CAMSAP1: variants seen among roughly 807,000 people sequenced by gnomAD.
CAMSAP1 encodes the protein calmodulin regulated spectrin associated protein 1.
Under a neutral mutation model 143.5 loss-of-function variants are expected in CAMSAP1, and 58 were observed. The ratio of observed to expected loss-of-function variants is 0.40; its 90% CI spans 0.33 to 0.50. The LOEUF (loss-of-function observed/expected upper bound fraction) is 0.50. Among genes scored for constraint, CAMSAP1 ranks in the 20% least tolerant of loss-of-function variants. CAMSAP1 has a pLI of 0.45. For missense variants in CAMSAP1, 1,969 were observed against 2,115.7 expected, an observed-to-expected ratio of 0.93 and a Z score of 1.36; for synonymous variants, 945 against 859.3, an observed-to-expected ratio of 1.10 and a Z score of -1.74.
intron 1 of CAMSAP1, among the ~76,000 whole-genome samples, chr9:135,886,969 G>T (rs1838143710): frequency 6.6e-6 from 1 of 152,244 alleles, no homozygotes; most frequent in Admixed American, 6.5e-5. Flanking sequence ...GGCAGTCGGG[G>T]ACAGGAGAGA....
In CAMSAP1 at chr9:135,811,278, G is replaced by A; in HGVS notation, c.*31C>T. On this transcript the variant is annotated 3_prime_UTR_variant, in exon 17 of 17. Coordinates refer to ENST00000389532, the MANE Select transcript of CAMSAP1 (RefSeq NM_015447.4). The surrounding 1 kb of genome is among the most constrained non-coding windows in gnomAD (Gnocchi z 4.9). ...CACAAGGGCATCATTTACGAGTCTG[G>A]GTCACCCTTTGGACGCCAGCTGCAC... The A allele has an allele frequency of 6.2e-7, 1 of 1,600,590 alleles. No individual in the cohort carries two copies. The highest frequency in any genetic ancestry group is 8.5e-7 in the Non-Finnish European group (1 of 1,172,082).
In CAMSAP1 at chr9:135,907,145, G is replaced by GCTCGCGTCCA; in HGVS notation, c.5_14dup (p.Ala8GlufsTer51). 9.0e-7 allele frequency: 1 copy of GCTCGCGTCCA among 1,110,156 alleles called. No homozygotes were observed. Among genetic ancestry groups the GCTCGCGTCCA allele is most frequent in the Non-Finnish European group, 1.1e-6 (1 of 908,084 alleles). 68.8% of individuals were successfully genotyped at this position (1,110,156 alleles called of 1,614,324 possible). On this transcript the variant is annotated frameshift_variant, in exon 1 of 17. Transcript: ENST00000389532. LOFTEE classifies it high-confidence loss of function. ...TCCAGCCCTCGGCGGCGGCGCGGCC[G>GCTCGCGTCCA]CTCGCGTCCACCATCTGCAGACAAA... is the stretch of plus-strand genomic sequence containing the variant.
In CAMSAP1 at chr9:135,826,266, G is replaced by T; in HGVS notation, c.1223+1141C>A. On this transcript the variant is annotated intron_variant, in intron 8 of 16. Transcript: ENST00000389532. The surrounding 1 kb of genome is among the most constrained non-coding windows in gnomAD (Gnocchi z 4.4). ...CGAAGGGAGGACGCCAAGTGTCCAC[G>T]CTGGCCCCATGTGAGGGACGGCTCA... 6.6e-6 allele frequency: 1 copy of T among 152,426 alleles called. No individual in the cohort carries two copies. Among genetic ancestry groups the T allele is most frequent in the Non-Finnish European group, 1.5e-5 (1 of 68,188 alleles). 9.4% of individuals were successfully genotyped at this position (152,426 alleles called of 1,614,324 possible).
intron 5 of CAMSAP1, among the ~76,000 whole-genome samples, chr9:135,853,454 G>A (rs1460735513): frequency 6.6e-6 from 1 of 152,226 alleles, no homozygotes; most frequent in Non-Finnish European, 1.5e-5. Context: ...GAGAATTTCT[G>A]CATTGCCTTG....
In CAMSAP1 at chr9:135,822,057, C is replaced by T. The variant is rs1259080664; in HGVS notation, c.2604G>A (p.Lys868=). ...CAGATGCCAGGAGGCTGGCGGGATCCTTGCCATGCTGGCTCGGACTCTGCT... is the reference window on the plus strand; with the variant it reads ...CAGATGCCAGGAGGCTGGCGGGATCTTTGCCATGCTGGCTCGGACTCTGCT... ...KREQSPSQHG[K]DPASLLASEL... is the part of the protein sequence containing the mutation. Residue 868 remains lysine, a synonymous_variant, in exon 11 of 17, where the codon AAG becomes AAA. Coordinates refer to ENST00000389532, the MANE Select transcript of CAMSAP1 (RefSeq NM_015447.4). The surrounding 1 kb of genome is among the most constrained non-coding windows in gnomAD (Gnocchi z 6.1). 1.9e-6 allele frequency: 3 copies of T among 1,612,340 alleles called. No homozygotes were observed. The highest frequency in any genetic ancestry group is 2.5e-6 in the Non-Finnish European group (3 of 1,179,426).
intron 7 of CAMSAP1, among the ~76,000 whole-genome samples, chr9:135,840,746 A>G (rs1836312259): frequency 1.3e-5 from 2 of 152,210 alleles, no homozygotes; most frequent in Non-Finnish European, 1.5e-5. Context: ...CACCTCACCC[A>G]GGAAGCACAA....
intron 3 of CAMSAP1, among the ~76,000 whole-genome samples, chr9:135,868,248 C>A (rs192445186): frequency 1.3e-5 from 2 of 152,094 alleles, no homozygotes; most frequent in South Asian, 2.1e-4. Context: ...AAATCTCTAC[C>A]TTATAGTACA....
intron 1 of CAMSAP1, among the ~76,000 whole-genome samples, chr9:135,890,392 C>T (rs968525942): frequency 2.0e-5 from 3 of 152,138 alleles, no homozygotes; most frequent in Admixed American, 6.5e-5. Flanking sequence ...AGGCAGAAGA[C>T]GCAATCCAGA....
chr9:135,849,361 T>G (rs1206572496), intron 7 of CAMSAP1, among the ~76,000 whole-genome samples: 2 of 152,200 alleles, frequency 1.3e-5, no homozygotes, highest in Non-Finnish European at 2.9e-5. Context: ...TGCACCACGG[T>G]GAAGCTGAAA....
chr9:135,900,501 G>A (rs28704039), intron 1 of CAMSAP1, among the ~76,000 whole-genome samples: 4,553 of 151,892 alleles, frequency 0.03, 218 homozygotes, highest in African/African-American at 0.099. Flanking sequence ...AGACCATCCC[G>A]GCTAACATGG....
chr9:135,811,600 C>T lies in CAMSAP1; in HGVS notation c.4518G>A (p.Lys1506=). 1 of 1,587,542 alleles carries T rather than the reference C, an allele frequency of 6.3e-7. No individual in the cohort carries two copies. Among genetic ancestry groups the T allele is most frequent in the Non-Finnish European group, 8.6e-7 (1 of 1,166,434 alleles). The change falls in exon 17 of 17, where the codon AAG becomes AAA. Residue 1506 remains lysine (K), a synonymous_variant. Transcript: ENST00000389532. The surrounding 1 kb of genome is among the most constrained non-coding windows in gnomAD (Gnocchi z 4.9). ...HKNSILEELE[K]CDANHYIILF... ...GTATGATGTAGTGATTGGCATCACA[C>T]TTCTCCAGCTCCTGTGCAGAGAGAG...
chr9:135,887,231 C>A (rs1045739900), intron 1 of CAMSAP1, among the ~76,000 whole-genome samples: 1 of 152,168 alleles, frequency 6.6e-6, no homozygotes, highest in African/African-American at 2.4e-5. Flanking sequence ...GAACAGAGAA[C>A]GGGGCGGGGC....
chr9:135,884,880 C>T (rs987625946), intron 1 of CAMSAP1, among the ~76,000 whole-genome samples: 1 of 152,210 alleles, frequency 6.6e-6, no homozygotes, highest in African/African-American at 2.4e-5. Flanking sequence ...GGCCTGTGGG[C>T]CCATGTTTGT....
At chr9:135,863,830 A>T (rs758732018) in intron 4 of CAMSAP1, among the ~76,000 whole-genome samples, 22 of 152,294 alleles carry the variant, frequency 1.4e-4, no homozygotes, top group Middle Eastern at 3.4e-3. Context: ...AGTGCACCAC[A>T]GCATGCGCCA....
chr9:135,809,636 C>T lies in CAMSAP1; in HGVS notation c.*1673G>A, dbSNP rs1834970274. 6.6e-6 allele frequency: 1 copy of T among 152,612 alleles called. No homozygotes were observed. Among genetic ancestry groups the T allele is most frequent in the African/African-American group, 2.4e-5 (1 of 41,434 alleles). 9.5% of individuals were successfully genotyped at this position (152,612 alleles called of 1,614,324 possible). On this transcript the variant is annotated 3_prime_UTR_variant, in exon 17 of 17. Coordinates refer to ENST00000389532, the MANE Select transcript of CAMSAP1 (RefSeq NM_015447.4). ...TCTTAGTGCTTTCTTAAAATAAATA[C>T]AGTAATATCATATCAAACATACAGT...
At chr9:135,838,350 A>C (rs2131707251) in intron 7 of CAMSAP1, among the ~76,000 whole-genome samples, 3 of 140,824 alleles carry the variant, frequency 2.1e-5, no homozygotes, top group Admixed American at 7.2e-5. Context: ...CGCACTTTCC[A>C]CCCGTTCTAC....
Position 135,824,953 on chromosome 9 carries a change from G to T in CAMSAP1, c.1224-73C>A. On this transcript the variant is annotated intron_variant, in intron 8 of 16. Transcript: ENST00000389532. The surrounding 1 kb of genome is among the most constrained non-coding windows in gnomAD (Gnocchi z 4.1). ...CAAGGTCAACAGCAAATGCACAAGT[G>T]TACAGGACCATCCTGAATTCACACC... 1.7e-6 allele frequency: 2 copies of T among 1,160,906 alleles called. No individual in the cohort carries two copies. The highest frequency in any genetic ancestry group is 1.9e-4 in the Middle Eastern group (1 of 5,220). The allele number at this position is 1,160,906 out of a possible 1,614,324, so 71.9% of individuals were successfully genotyped here.
intron 1 of CAMSAP1, among the ~76,000 whole-genome samples, chr9:135,904,232 C>A (rs1838700224): frequency 6.6e-6 from 1 of 151,892 alleles, no homozygotes; most frequent in Non-Finnish European, 1.5e-5. Flanking sequence ...AAACCCCCAT[C>A]TCTACAAAAA....
chr9:135,884,738 G>C (rs1411869730), intron 1 of CAMSAP1, among the ~76,000 whole-genome samples: 1 of 152,154 alleles, frequency 6.6e-6, no homozygotes, highest in Non-Finnish European at 1.5e-5. Context: ...CAAGCACAAC[G>C]GGAAGACTTC....
Sources: gnomAD v4.1 joint callset for allele counts (sites outside exome capture counted in the v4.1 genomes callset) on GRCh38, gnomAD v4.1.1 for gene constraint, Gnocchi (gnomAD v3.1) non-coding constraint, MANE v1.5 for transcripts, NCBI Gene and HGNC (gene_info 2026-07-23, HGNC 2026-07-21) for gene names.